Variants in LAMC2 observed in about 807,000 individuals in gnomAD.
LAMC2 encodes the protein laminin subunit gamma-2.
Under a neutral mutation model 140.2 loss-of-function variants are expected in LAMC2, and 97 were observed. The ratio of observed to expected loss-of-function variants is 0.69; its 90% CI spans 0.59 to 0.82. LAMC2 has a LOEUF of 0.82. LAMC2 is among the 40% of genes least tolerant of loss of function. The pLI is 0.00. For missense variants in LAMC2, 1,402 were observed against 1,476.1 expected, an observed-to-expected ratio of 0.95 and a Z score of 0.82; for synonymous variants, 513 against 540.2, an observed-to-expected ratio of 0.95 and a Z score of 0.70.
chr1:183,247,304 C>T (rs1220008149), downstream of LAMC2, among the ~76,000 whole-genome samples: 1 of 152,058 alleles, frequency 6.6e-6, no homozygotes, highest in Admixed American at 6.6e-5. Flanking sequence ...AAGAGCGAAA[C>T]TCTGTCTCGA....
chr1:183,220,625 G>A (rs950758803), intron 4 of LAMC2, among the ~76,000 whole-genome samples, 200 bp from the exon 5 acceptor site: 3 of 151,892 alleles, frequency 2.0e-5, no homozygotes, highest in African/African-American at 4.8e-5. Context: ...TGTTTCTTAT[G>A]CCGTCTAATT....
rs1237457184 is a variant in LAMC2 at position 183,241,325 on chromosome 1, C to G, written c.3328+934C>G. 6.1e-6 allele frequency: 6 copies of G among 984,862 alleles called. No individual in the cohort carries two copies. The African/African-American group carries it at 1.1e-4, about 17-fold the overall frequency. 61.0% of individuals were successfully genotyped at this position (984,862 alleles called of 1,614,324 possible). A position where few individuals can be genotyped will look rare whatever the true frequency, so the allele number is the denominator to read the frequency against. ...GTTCCTCCCCAAACCAAAGTTATAC[C>G]TTGATGTAACCAGTGGGAGGAACTT... On this transcript the variant is annotated intron_variant, in intron 22 of 22. Transcript: ENST00000264144.
the LAMC2 span, among the ~76,000 whole-genome samples, chr1:183,257,914 A>G: frequency 6.7e-6 from 1 of 150,236 alleles, no homozygotes; most frequent in Non-Finnish European, 1.5e-5. Flanking sequence ...TTCTTTTTCT[A>G]GTTCCTTAAG....
At position 183,243,204 on chromosome 1, in the gene LAMC2, G is replaced by C; in HGVS notation, c.3386G>C (p.Arg1129Pro). 2 of 1,613,950 alleles carry C rather than the reference G, an allele frequency of 1.2e-6. No homozygotes were observed. The highest frequency in any genetic ancestry group is 1.7e-6 in the Non-Finnish European group (2 of 1,179,936). The change falls in exon 23 of 23, where the codon CGA becomes CCA. Residue 1129 changes from arginine (R) to proline (P), a missense_variant. Transcript: ENST00000264144. ...GLVLLEQKLSRAKTQINSQLR... is the reference protein window; with the variant it reads ...GLVLLEQKLSPAKTQINSQLR... Reference sequence around the variant, plus strand: ...GTCTTACTGGAGCAGAAGCTTTCCCGAGCCAAGACCCAGATCAACAGCCAA... The same window carrying C: ...GTCTTACTGGAGCAGAAGCTTTCCCCAGCCAAGACCCAGATCAACAGCCAA...
chr1:183,232,185 A>G lies in LAMC2; in HGVS notation c.1858-2A>G. The G allele has an allele frequency of 6.2e-7, 1 of 1,613,688 alleles. No individual in the cohort carries two copies. ...GTTCTGATCTTTCCTGTGTGGTTTC[A>G]GATGGATCAGTTTATGCAGCAGCTT... On this transcript the variant is annotated splice_acceptor_variant, in intron 12 of 22. Coordinates refer to ENST00000264144, the MANE Select transcript of LAMC2 (RefSeq NM_005562.3). LOFTEE classifies it high-confidence loss of function.
chr1:183,188,514 A>G (rs182426881), intron 1 of LAMC2, among the ~76,000 whole-genome samples: 1 of 152,306 alleles, frequency 6.6e-6, no homozygotes, highest in African/African-American at 2.4e-5. Flanking sequence ...CTGGCTTTAC[A>G]TTTTGGTTCA....
Position 183,239,428 on chromosome 1 carries a change from C to T in LAMC2, c.2934C>T (p.Tyr978=). 6.2e-7 allele frequency: 1 copy of T among 1,614,192 alleles called. No homozygotes were observed. Among genetic ancestry groups the T allele is most frequent in the Non-Finnish European group, 8.5e-7 (1 of 1,180,016 alleles). The change falls in exon 20 of 23, where the codon TAC becomes TAT. Residue 978 remains tyrosine (Y), a synonymous_variant. Transcript: ENST00000264144. The part of the protein sequence containing the change: ...EAEEAMKRLS[Y]ISQKVSDASD... ...AAGAAGCCATGAAGAGACTCTCCTA[C>T]ATCAGCCAGAAGGTTTCAGATGCCA...
At chr1:183,197,096 G>T (rs1198818466) in intron 1 of LAMC2, among the ~76,000 whole-genome samples, 1 of 152,198 alleles carries the variant, frequency 6.6e-6, no homozygotes, top group Non-Finnish European at 1.5e-5. Flanking sequence ...TTTTCTGATT[G>T]CTGAGTGGAG....
intron 2 of LAMC2, among the ~76,000 whole-genome samples, chr1:183,214,182 TG>T (rs1659168728): frequency 6.6e-6 from 1 of 152,168 alleles, no homozygotes; most frequent in Non-Finnish European, 1.5e-5. Flanking sequence ...CCCTCCTCCT[TG>T]GCATATACAC....
chr1:183,205,048 C>T (rs1658842544), intron 1 of LAMC2, among the ~76,000 whole-genome samples: 1 of 152,182 alleles, frequency 6.6e-6, no homozygotes, highest in Non-Finnish European at 1.5e-5. Flanking sequence ...GTCTCAAACT[C>T]CTGACGTCAG....
chr1:183,208,983 GTTT>G (rs78166475), intron 2 of LAMC2, among the ~76,000 whole-genome samples: 2 of 129,952 alleles, frequency 1.5e-5, no homozygotes, highest in African/African-American at 5.6e-5. Context: ...CTGGCTAGTT[GTTT>G]TTTTTTTTTT....
In LAMC2 at chr1:183,232,237, G is replaced by A. The variant is rs1659820590; in HGVS notation, c.1908G>A (p.Lys636=). Residue 636 remains lysine, a synonymous_variant, in exon 13 of 23, where the codon AAG becomes AAA. Coordinates refer to ENST00000264144, the MANE Select transcript of LAMC2 (RefSeq NM_005562.3). ...QLQRMEALIS[K]AQGGDGVVPD... ...AGAGAATGGAGGCCCTGATTTCAAA[G>A]GCTCAGGGTGGTGATGGAGTAGTAC... is the stretch of plus-strand genomic sequence containing the variant. 3.1e-6 allele frequency: 5 copies of A among 1,613,916 alleles called. No homozygotes were observed. Among genetic ancestry groups the A allele is most frequent in the Non-Finnish European group, 3.4e-6 (4 of 1,179,994 alleles).
rs1003719492 is a variant in LAMC2 at position 183,202,237 on chromosome 1, CAAAG to C, written c.80-5640_80-5637del. The stretch of plus-strand genomic sequence containing the variant: ...AACAACAACAACAAAAAAAAAAAAA[CAAAG>C]AAAACCACACACACAAAAAAATTAG... On this transcript the variant is annotated intron_variant, in intron 1 of 22. Coordinates refer to ENST00000264144, the MANE Select transcript of LAMC2 (RefSeq NM_005562.3). Among the ~76,000 whole-genome samples the C allele has an allele frequency of 3.6e-3, 531 of 147,616 alleles. 3 individuals are homozygous for C. The highest frequency in any genetic ancestry group is 0.017 in the Middle Eastern group (5 of 288).
rs1355621232 is a variant in LAMC2 at position 183,228,632 on chromosome 1, C to T, written c.1714+13C>T. 7 of 1,613,694 alleles carry T rather than the reference C, an allele frequency of 4.3e-6. No individual in the cohort carries two copies. Among genetic ancestry groups the T allele is most frequent in the Non-Finnish European group, 5.9e-6 (7 of 1,180,008 alleles). ...GACAAGTGTCGAGGTAGGACTCCAC[C>T]CCAGGCAGGCTGTGTCTGTGCGTGC... On this transcript the variant is annotated intron_variant, in intron 11 of 22. Coordinates refer to ENST00000264144, the MANE Select transcript of LAMC2 (RefSeq NM_005562.3). The surrounding 1 kb of genome is among the most constrained non-coding windows in gnomAD (Gnocchi z 4.3).
intron 2 of LAMC2, among the ~76,000 whole-genome samples, chr1:183,209,963 C>G (rs979426235): frequency 6.6e-6 from 1 of 152,048 alleles, no homozygotes; most frequent in Non-Finnish European, 1.5e-5. Flanking sequence ...GTGGTGGAGC[C>G]CAGTATTGAT....
intron 3 of LAMC2, among the ~76,000 whole-genome samples, chr1:183,215,802 G>A (rs1659235425): frequency 6.6e-6 from 1 of 152,162 alleles, no homozygotes; most frequent in Admixed American, 6.5e-5. Context: ...TAAACCATAT[G>A]AGGTTAAGTT....
At chr1:183,202,982 C>A (rs1394665034) in intron 1 of LAMC2, among the ~76,000 whole-genome samples, 2 of 152,176 alleles carry the variant, frequency 1.3e-5, no homozygotes, top group African/African-American at 2.4e-5. Context: ...CTACCATGGA[C>A]CAGGCACTGT....
chr1:183,227,449 G>GT, intron 9 of LAMC2, 66 bp from the exon 10 acceptor site: 1 of 1,439,872 alleles, frequency 6.9e-7, no homozygotes, highest in South Asian at 1.1e-5. Flanking sequence ...TCTGACCCAT[G>GT]TTGAAGGAAA....
intron 1 of LAMC2, among the ~76,000 whole-genome samples, chr1:183,187,760 A>T (rs1658199841): frequency 6.6e-6 from 1 of 152,230 alleles, no homozygotes; most frequent in African/African-American, 2.4e-5. Context: ...ATTTAAAGGG[A>T]CTGCTTATGG....
Sources: gnomAD v4.1 joint callset for allele counts (sites outside exome capture counted in the v4.1 genomes callset) on GRCh38, gnomAD v4.1.1 for gene constraint, Gnocchi (gnomAD v3.1) non-coding constraint, MANE v1.5 for transcripts, NCBI Gene and HGNC (gene_info 2026-07-23, HGNC 2026-07-21) for gene names.